The following B3GALT1 variants were observed in gnomAD, a reference collection of about 807,000 sequenced individuals.
B3GALT1 encodes UDP-Gal:betaGlcNAc beta 1,3-galactosyltransferase, polypeptide 1.
Under a neutral mutation model 23.2 loss-of-function variants are expected in B3GALT1, and 10 were observed. That is an observed-to-expected ratio of 0.43 (90% CI 0.27 to 0.73). B3GALT1 has a LOEUF of 0.73. Ranked by LOEUF, B3GALT1 falls within the 30% of genes least tolerant of loss-of-function variation. The pLI, the probability that B3GALT1 is intolerant of heterozygous loss-of-function variation, is 0.21. For missense variants in B3GALT1, 299 were observed against 405.4 expected, an observed-to-expected ratio of 0.74 and a Z score of 2.25; for synonymous variants, 156 against 141.5, an observed-to-expected ratio of 1.10 and a Z score of -0.73.
chr2:167,646,798 A>G, intron 2 of B3GALT1, among the ~76,000 whole-genome samples, 111 bp from the exon 3 acceptor site: 1 of 152,192 alleles, frequency 6.6e-6, no homozygotes, highest in East Asian at 1.9e-4. Context: ...TTTTGTGACA[A>G]TAAATTTTGA....
intron 2 of B3GALT1, among the ~76,000 whole-genome samples, chr2:167,517,833 C>T (rs1700127996): frequency 6.6e-6 from 1 of 151,982 alleles, no homozygotes; most frequent in Non-Finnish European, 1.5e-5. Flanking sequence ...CAGGTGTTTC[C>T]ATAAATTAAT....
chr2:167,517,544 T>G (rs192384360), intron 2 of B3GALT1, among the ~76,000 whole-genome samples: 158 of 152,174 alleles, frequency 1.0e-3, no homozygotes, highest in African/African-American at 3.5e-3. Context: ...TATTTTCTGT[T>G]TTATAAGTAA....
intron 3 of B3GALT1, among the ~76,000 whole-genome samples, chr2:167,668,686 C>T (rs184839076): frequency 6.6e-5 from 10 of 152,242 alleles, no homozygotes; most frequent in Admixed American, 2.6e-4. Flanking sequence ...GAAAAGCAGT[C>T]TTCGGGTGGG....
chr2:167,603,173 G>C (rs1684904169), intron 2 of B3GALT1, among the ~76,000 whole-genome samples: 1 of 152,104 alleles, frequency 6.6e-6, no homozygotes. Context: ...ACTAATTCTA[G>C]TTCTTTGTCA....
At chr2:167,412,648 G>C (rs1698409528) in intron 1 of B3GALT1, among the ~76,000 whole-genome samples, 1 of 152,068 alleles carries the variant, frequency 6.6e-6, no homozygotes. Context: ...GTATAAGTTG[G>C]TACAACCACT....
intron 3 of B3GALT1, among the ~76,000 whole-genome samples, chr2:167,747,451 T>C (rs1687669599): frequency 6.6e-6 from 1 of 152,138 alleles, no homozygotes; most frequent in Admixed American, 6.6e-5. Context: ...TAAGAAAAAT[T>C]AGACAGATAC....
At chr2:167,513,962 A>C (rs1304996486) in intron 2 of B3GALT1, among the ~76,000 whole-genome samples, 1 of 152,078 alleles carries the variant, frequency 6.6e-6, no homozygotes, top group Non-Finnish European at 1.5e-5. Context: ...GCTGGAGGGC[A>C]GTGGTGCAGT....
At chr2:167,813,223 A>G (rs1688927192) in intron 3 of B3GALT1, among the ~76,000 whole-genome samples, 1 of 152,182 alleles carries the variant, frequency 6.6e-6, no homozygotes, top group Non-Finnish European at 1.5e-5. Context: ...GGCCCTAGCT[A>G]TATCTCATCA....
chr2:167,471,260 A>G (rs1343618214), intron 1 of B3GALT1, among the ~76,000 whole-genome samples: 1 of 152,198 alleles, frequency 6.6e-6, no homozygotes, highest in African/African-American at 2.4e-5. Flanking sequence ...TCGACACTTG[A>G]TTCATTTGTA....
intron 1 of B3GALT1, among the ~76,000 whole-genome samples, chr2:167,440,635 A>G (rs1020203310): frequency 1.3e-5 from 2 of 151,878 alleles, no homozygotes; most frequent in African/African-American, 4.8e-5. Flanking sequence ...TAGCTTAGCT[A>G]TGTCCAAGTG....
intron 2 of B3GALT1, among the ~76,000 whole-genome samples, chr2:167,545,541 G>C (rs1012706813): frequency 2.0e-5 from 3 of 152,128 alleles, no homozygotes; most frequent in Admixed American, 6.5e-5. Context: ...TTTTGGCTTA[G>C]GGGAAAGTCC....
intron 1 of B3GALT1, among the ~76,000 whole-genome samples, chr2:167,431,855 A>G (rs1229315222): frequency 6.6e-6 from 1 of 152,216 alleles, no homozygotes; most frequent in South Asian, 2.1e-4. Flanking sequence ...TCTAAGAAAA[A>G]TATCTAGAAA....
At chr2:167,602,211 G>GA (rs1558921029) in intron 2 of B3GALT1, among the ~76,000 whole-genome samples, 1 of 152,172 alleles carries the variant, frequency 6.6e-6, no homozygotes, top group East Asian at 1.9e-4. Context: ...ATAAGAGCAT[G>GA]AAGCTGCTGA....
In B3GALT1 at chr2:167,684,544, C is replaced by G. The variant is rs1046715300; in HGVS notation, c.-352+37578C>G. ...AAAGCTGATTTCCAGCCCAGAGATTCCATGAGTCCAAAAAGATAGTCTTCA... is the reference window on the plus strand; with the variant it reads ...AAAGCTGATTTCCAGCCCAGAGATTGCATGAGTCCAAAAAGATAGTCTTCA... On this transcript the variant is annotated intron_variant, in intron 3 of 4. Coordinates refer to ENST00000392690, the MANE Select transcript of B3GALT1 (RefSeq NM_020981.4). Among the ~76,000 whole-genome samples, 3 of 152,162 alleles carry G rather than the reference C, an allele frequency of 2.0e-5. No individual in the cohort carries two copies. The East Asian group carries it at 5.8e-4, about 29-fold the overall frequency.
chr2:167,526,957 C>T (rs1042553909), intron 2 of B3GALT1, among the ~76,000 whole-genome samples: 9 of 152,154 alleles, frequency 5.9e-5, no homozygotes, highest in African/African-American at 2.2e-4. Flanking sequence ...AATTTGCATT[C>T]AACTATATCA....
chr2:167,542,631 G>C (rs1052266337), intron 2 of B3GALT1, among the ~76,000 whole-genome samples: 1 of 152,110 alleles, frequency 6.6e-6, no homozygotes, highest in Non-Finnish European at 1.5e-5. Context: ...TGTATAAAAG[G>C]TACTTTATTC....
chr2:167,670,784 T>C (rs1226868012), intron 3 of B3GALT1, among the ~76,000 whole-genome samples: 2 of 152,096 alleles, frequency 1.3e-5, no homozygotes, highest in Non-Finnish European at 2.9e-5. Flanking sequence ...AGAGCTTTAA[T>C]AGCAGGCTAA....
At chr2:167,838,446 C>T (rs888284590) in intron 4 of B3GALT1, among the ~76,000 whole-genome samples, 150 of 152,366 alleles carry the variant, frequency 9.8e-4, no homozygotes, top group African/African-American at 3.2e-3. Flanking sequence ...ATAAATTCCT[C>T]AACACATACA....
At chr2:167,792,029 A>T (rs1033217021) in intron 3 of B3GALT1, among the ~76,000 whole-genome samples, 4 of 152,098 alleles carry the variant, frequency 2.6e-5, no homozygotes, top group Non-Finnish European at 5.9e-5. Flanking sequence ...GAGGCCATTT[A>T]TCAATAATTC....
Sources: gnomAD v4.1 joint callset for allele counts (sites outside exome capture counted in the v4.1 genomes callset) on GRCh38, gnomAD v4.1.1 for gene constraint, MANE v1.5 for transcripts, NCBI Gene and HGNC (gene_info 2026-07-23, HGNC 2026-07-21) for gene names.